Variants in IRAK1BP1 observed in about 807,000 individuals in gnomAD.
The protein encoded by IRAK1BP1 is interleukin 1 receptor associated kinase 1 binding protein 1, also known as interleukin-1 receptor-associated kinase 1-binding protein 1.
In IRAK1BP1, 24 loss-of-function variants were observed where a neutral mutation model predicts 28.0. The ratio of observed to expected loss-of-function variants is 0.86; its 90% confidence interval spans 0.62 to 1.20. The LOEUF is 1.20. Ranked by LOEUF, IRAK1BP1 falls within the 50% of genes most tolerant of loss-of-function variation. The pLI is 0.00. For missense variants in IRAK1BP1, 336 were observed against 316.7 expected, an observed-to-expected ratio of 1.06 and a Z score of -0.46; for synonymous variants, 131 against 116.3, an observed-to-expected ratio of 1.13 and a Z score of -0.81.
chr6:78,918,071 A>C (rs984099199), intron 4 of IRAK1BP1, among the ~76,000 whole-genome samples: 68 of 152,180 alleles, frequency 4.5e-4, no homozygotes, highest in Admixed American at 4.5e-3. Flanking sequence ...AAAACCTCAC[A>C]TATCTTGCTT....
At chr6:78,954,740 TA>T in the IRAK1BP1 span, 8 of 894,594 alleles carry the variant, frequency 8.9e-6, no homozygotes, top group Non-Finnish European at 1.3e-5. Flanking sequence ...AAAAAGTAAC[TA>T]AAATAGCCAA....
chr6:78,879,448 G>A (rs146028858), intron 1 of IRAK1BP1, among the ~76,000 whole-genome samples: 2 of 152,298 alleles, frequency 1.3e-5, no homozygotes, highest in African/African-American at 2.4e-5. Flanking sequence ...CAATAGAAGT[G>A]TAGAAGCAAT....
chr6:78,955,702 T>G, the IRAK1BP1 span: 1 of 798,590 alleles, frequency 1.3e-6, no homozygotes, highest in African/African-American at 1.8e-5. Flanking sequence ...AAGGAAATGT[T>G]AACATGTAAG....
At chr6:78,970,260 G>T in the IRAK1BP1 span, 6 of 1,159,140 alleles carry the variant, frequency 5.2e-6, no homozygotes, top group South Asian at 8.6e-5. Flanking sequence ...AAAACTTCTT[G>T]GTTTAAATCT....
chr6:78,910,933 G>C (rs140912247), intron 4 of IRAK1BP1, among the ~76,000 whole-genome samples: 18 of 152,370 alleles, frequency 1.2e-4, no homozygotes, highest in Non-Finnish European at 2.5e-4. Context: ...CCGCTCCTTG[G>C]CCTACTGGCA....
At chr6:78,949,470 T>TC (rs1774018647), downstream of IRAK1BP1, among the ~76,000 whole-genome samples, 1 of 152,068 alleles carries the variant, frequency 6.6e-6, no homozygotes, top group East Asian at 1.9e-4. Flanking sequence ...ACCAGACAAC[T>TC]AGATACCTGT....
chr6:78,889,961 A>G (rs1771576312), intron 2 of IRAK1BP1, among the ~76,000 whole-genome samples: 3 of 152,196 alleles, frequency 2.0e-5, no homozygotes, highest in Admixed American at 1.3e-4. Context: ...CTGTAAAGAC[A>G]CATGTAGACG....
At chr6:78,888,542 G>C (rs1297034858) in intron 2 of IRAK1BP1, among the ~76,000 whole-genome samples, 2 of 148,752 alleles carry the variant, frequency 1.3e-5, no homozygotes, top group East Asian at 3.9e-4. Flanking sequence ...TTTTGAGATG[G>C]AGTCTCACTC....
the IRAK1BP1 span, chr6:78,965,884 G>T: frequency 7.7e-7 from 1 of 1,300,564 alleles, no homozygotes; most frequent in Non-Finnish European, 1.1e-6. Context: ...TCTCTTAATA[G>T]ATGGAAAAAA....
the IRAK1BP1 span, among the ~76,000 whole-genome samples, chr6:78,973,194 C>T: frequency 9.2e-5 from 14 of 152,066 alleles, no homozygotes; most frequent in Non-Finnish European, 1.3e-4. Flanking sequence ...AGAAACTCTA[C>T]AAGCCAGAAG....
At chr6:78,943,539 C>T (rs998313960) in intron 4 of IRAK1BP1, among the ~76,000 whole-genome samples, 1 of 152,110 alleles carries the variant, frequency 6.6e-6, no homozygotes, top group Admixed American at 6.6e-5. Flanking sequence ...TTTGGTTATT[C>T]AAACACTTAT....
chr6:78,933,095 A>ACAC (rs1773112388), intron 4 of IRAK1BP1, among the ~76,000 whole-genome samples: 1 of 152,116 alleles, frequency 6.6e-6, no homozygotes. Flanking sequence ...CTTCATCTTA[A>ACAC]CACCAGCTGC....
intron 1 of IRAK1BP1, among the ~76,000 whole-genome samples, chr6:78,868,323 C>T (rs1770664226): frequency 6.7e-6 from 1 of 149,460 alleles, no homozygotes; most frequent in South Asian, 2.1e-4. Context: ...GACCTGCTTC[C>T]TTCCGATCAT....
chr6:78,913,432 G>A (rs773251751), intron 4 of IRAK1BP1, among the ~76,000 whole-genome samples: 1 of 152,068 alleles, frequency 6.6e-6, no homozygotes, highest in Non-Finnish European at 1.5e-5. Flanking sequence ...GATCACTTGA[G>A]GTCAGGAGTT....
chr6:78,893,314 GTATATATATATATATA>G lies in IRAK1BP1; in HGVS notation c.382-4495_382-4480del, dbSNP rs60728695. 2.5e-4 allele frequency among the ~76,000 whole-genome samples: 26 copies of G among 103,450 alleles called. No individual in the cohort carries two copies. The South Asian group carries it at 3.0e-3, about 12-fold the overall frequency. The allele number at this position is 103,450 out of a possible 152,430, so 67.9% of individuals were successfully genotyped here. ...TATATGTGTGTGTGTGTGTGTGTGT[GTATATATATATATATA>G]TATATATATATATATATATCAACGA... is the stretch of plus-strand genomic sequence containing the variant. On this transcript the variant is annotated intron_variant, in intron 2 of 3. Coordinates refer to ENST00000369940, the MANE Select transcript of IRAK1BP1 (RefSeq NM_001010844.4).
chr6:78,979,063 G>C, the IRAK1BP1 span, among the ~76,000 whole-genome samples: 6 of 152,048 alleles, frequency 3.9e-5, no homozygotes, highest in African/African-American at 1.4e-4. Flanking sequence ...ACTGTGTGTA[G>C]GTCACATGCA....
chr6:78,921,185 G>A (rs1236474398), intron 4 of IRAK1BP1, among the ~76,000 whole-genome samples: 1 of 152,170 alleles, frequency 6.6e-6, no homozygotes, highest in Admixed American at 6.5e-5. Flanking sequence ...CCAAGGAAAG[G>A]GGTGACAGAT....
intron 1 of IRAK1BP1, among the ~76,000 whole-genome samples, chr6:78,876,892 CA>C (rs1771022395): frequency 6.6e-6 from 1 of 152,052 alleles, no homozygotes; most frequent in African/African-American, 2.4e-5. Context: ...TATAGATAAA[CA>C]AAAAATCTCA....
At chr6:78,905,547 C>T (rs749662140), downstream of IRAK1BP1, among the ~76,000 whole-genome samples, 2 of 152,192 alleles carry the variant, frequency 1.3e-5, no homozygotes, top group African/African-American at 2.4e-5. Flanking sequence ...TATAATATTA[C>T]TTCCAGAATA....
Sources: allele counts gnomAD v4.1 joint callset (sites outside exome capture counted in the v4.1 genomes callset), GRCh38; gene constraint gnomAD v4.1.1; transcripts MANE v1.5; gene names NCBI Gene and HGNC (gene_info 2026-07-23, HGNC 2026-07-21).